Variants in TMEM123 observed in about 807,000 individuals in gnomAD.
The protein encoded by TMEM123 is transmembrane protein 123, also known as porimin.
TMEM123 carries 16 observed loss-of-function variants against 19.7 expected under a neutral mutation model. The ratio of observed to expected loss-of-function variants is 0.81; its 90% CI spans 0.55 to 1.23. The LOEUF (loss-of-function observed/expected upper bound fraction) is 1.23. Among genes scored for constraint, TMEM123 ranks in the 50% most tolerant of loss-of-function variants. The pLI is 0.00. For missense variants in TMEM123, 313 were observed against 257.8 expected, an observed-to-expected ratio of 1.21 and a Z score of -1.47; for synonymous variants, 118 against 99.4, an observed-to-expected ratio of 1.19 and a Z score of -1.12.
In TMEM123 at chr11:102,409,017, A is replaced by G. The variant is rs1951979721; in HGVS notation, c.158-6811T>C. On this transcript the variant is annotated intron_variant, in intron 2 of 4. Transcript: ENST00000398136. ...TATTCCTATAACCTTGAGTCCAAAA[A>G]TATTTATTAAATATTTAATAATATT... Among the ~76,000 whole-genome samples the G allele has an allele frequency of 1.3e-5, 2 of 152,166 alleles. 1 individual carries two copies. The highest frequency in any genetic ancestry group is 4.1e-4 in the South Asian group (2 of 4,830).
At chr11:102,452,397 G>A (rs1006519306) in intron 1 of TMEM123, 127 bp downstream of exon 1, 2 of 816,910 alleles carry the variant, frequency 2.4e-6, no homozygotes, top group African/African-American at 3.6e-5. Flanking sequence ...GGTCACCTCT[G>A]GGTCCGCCCC....
At chr11:102,446,057 A>G (rs1354305650) in intron 2 of TMEM123, among the ~76,000 whole-genome samples, 1 of 152,224 alleles carries the variant, frequency 6.6e-6, no homozygotes, top group East Asian at 1.9e-4. Context: ...GGAAGTATCA[A>G]TGCTATGTGA....
At chr11:102,450,612 TATC>T (rs1402535021) in intron 1 of TMEM123, among the ~76,000 whole-genome samples, 1 of 152,256 alleles carries the variant, frequency 6.6e-6, no homozygotes, top group East Asian at 1.9e-4. Context: ...ATAAAAGTAT[TATC>T]TACTTCAAGA....
At chr11:102,420,598 G>A (rs1952077655) in intron 2 of TMEM123, among the ~76,000 whole-genome samples, 1 of 152,178 alleles carries the variant, frequency 6.6e-6, no homozygotes, top group African/African-American at 2.4e-5. Context: ...AAGGGGAGGA[G>A]CCAAGATTTA....
In TMEM123 at chr11:102,398,736, C is replaced by T. The variant is rs1216008687; in HGVS notation, c.*131G>A. 1.1e-6 allele frequency: 1 copy of T among 886,048 alleles called. No homozygotes were observed. The highest frequency in any genetic ancestry group is 1.8e-6 in the Non-Finnish European group (1 of 564,458). 54.9% of individuals were successfully genotyped at this position (886,048 alleles called of 1,614,324 possible). A position where few individuals can be genotyped will look rare whatever the true frequency, so the allele number is the denominator to read the frequency against. On this transcript the variant is annotated 3_prime_UTR_variant, in exon 5 of 5. Coordinates refer to ENST00000398136, the MANE Select transcript of TMEM123 (RefSeq NM_052932.3). ...AGAATCTTTACATATTTACGTAATACACTGTACATTATATGCATGGCCTGT... is the reference window on the plus strand; with the variant it reads ...AGAATCTTTACATATTTACGTAATATACTGTACATTATATGCATGGCCTGT...
At chr11:102,425,583 CTTTTTT>C (rs1167174586) in intron 2 of TMEM123, among the ~76,000 whole-genome samples, 1 of 107,946 alleles carries the variant, frequency 9.3e-6, no homozygotes. Context: ...TTTCTTTTTT[CTTTTTT>C]TTTTTTTTTT....
chr11:102,401,503 A>AT (rs769082767), intron 4 of TMEM123, 36 bp downstream of exon 4: 32 of 1,517,920 alleles, frequency 2.1e-5, no homozygotes, highest in African/African-American at 7.1e-5. Flanking sequence ...TGCACCAACA[A>AT]TTTTTTTTAA....
intron 3 of TMEM123, 34 bp from the exon 4 acceptor site, chr11:102,401,726 GTTAT>G (rs902675896): frequency 2.6e-6 from 4 of 1,543,348 alleles, no homozygotes; most frequent in Admixed American, 2.3e-5. Context: ...GGGCTTTAGC[GTTAT>G]TTTTTTTTTT....
At chr11:102,430,910 G>C (rs550671410) in intron 2 of TMEM123, among the ~76,000 whole-genome samples, 37 of 152,144 alleles carry the variant, frequency 2.4e-4, no homozygotes, top group Non-Finnish European at 3.8e-4. Context: ...ACACATACTG[G>C]GTGGGGATGA....
rs372738238 is a variant in TMEM123, at chr11:102,452,604, C to T, written c.20G>A (p.Gly7Asp). The change falls in exon 1 of 5, where the codon GGT becomes GAT. Residue 7 changes from glycine (G) to aspartate (D), a missense_variant. Coordinates refer to ENST00000398136, the MANE Select transcript of TMEM123 (RefSeq NM_052932.3). ...CCCCAGGAGCAGCGCGGCCCAAGCA[C>T]CTCGCGCGCCGAGTCCCATTGTTCC... The part of the protein sequence containing the change: MGLGAR[G>D]AWAALLLGTL... 7.6e-5 allele frequency: 119 copies of T among 1,559,396 alleles called. No homozygotes were observed. Among genetic ancestry groups the T allele is most frequent in the Non-Finnish European group, 1.0e-4 (117 of 1,155,966 alleles).
chr11:102,440,798 A>C (rs938917520), intron 2 of TMEM123, among the ~76,000 whole-genome samples: 1 of 152,204 alleles, frequency 6.6e-6, no homozygotes, highest in Non-Finnish European at 1.5e-5. Flanking sequence ...TATTCAGGAG[A>C]CCCATCTCAT....
At chr11:102,448,954 G>A (rs1405016688) in intron 1 of TMEM123, 86 bp from the exon 2 acceptor site, 1 of 1,335,434 alleles carries the variant, frequency 7.5e-7, no homozygotes, top group African/African-American at 1.4e-5. Flanking sequence ...AGCGGGAGTA[G>A]GGGTAGTGGT....
intron 2 of TMEM123, among the ~76,000 whole-genome samples, chr11:102,442,684 A>G (rs1236440434): frequency 6.6e-6 from 1 of 152,234 alleles, no homozygotes; most frequent in Non-Finnish European, 1.5e-5. Context: ...CACTGTTGGA[A>G]GTTCTGGCCA....
intron 2 of TMEM123, among the ~76,000 whole-genome samples, chr11:102,415,897 GTTA>G (rs1033270352): frequency 2.0e-4 from 14 of 68,806 alleles, no homozygotes; most frequent in Non-Finnish European, 2.7e-4. Context: ...GTTGGTGGTT[GTTA>G]TTATTATTAT....
chr11:102,446,532 T>A (rs75681811), intron 2 of TMEM123, among the ~76,000 whole-genome samples: 5,271 of 152,338 alleles, frequency 0.035, 340 homozygotes, highest in African/African-American at 0.12. Flanking sequence ...GCAAAATGTA[T>A]ATATTAGTGT....
intron 2 of TMEM123, among the ~76,000 whole-genome samples, chr11:102,411,124 C>T (rs1249767368): frequency 6.6e-6 from 1 of 152,108 alleles, no homozygotes; most frequent in Admixed American, 6.5e-5. Context: ...TAGCATAGGG[C>T]CCACAGATAG....
At chr11:102,417,717 C>A (rs773748382) in intron 2 of TMEM123, among the ~76,000 whole-genome samples, 7 of 152,168 alleles carry the variant, frequency 4.6e-5, no homozygotes, top group Non-Finnish European at 1.0e-4. Context: ...AAGCTAGAGT[C>A]ATCATGCTAC....
chr11:102,425,470 T>C (rs1367443679), intron 2 of TMEM123, among the ~76,000 whole-genome samples: 9 of 151,788 alleles, frequency 5.9e-5, no homozygotes, highest in Non-Finnish European at 1.2e-4. Context: ...CCTCCAATGA[T>C]ACTGATAAAA....
chr11:102,438,594 G>C (rs1345715495), intron 2 of TMEM123, among the ~76,000 whole-genome samples: 1 of 152,150 alleles, frequency 6.6e-6, no homozygotes, highest in Non-Finnish European at 1.5e-5. Flanking sequence ...AAACAAAATT[G>C]GATGATGTTA....
Sources: gnomAD v4.1 joint callset for allele counts (sites outside exome capture counted in the v4.1 genomes callset) on GRCh38, gnomAD v4.1.1 for gene constraint, MANE v1.5 for transcripts, NCBI Gene and HGNC (gene_info 2026-07-23, HGNC 2026-07-21) for gene names.